The following KLHL13 variants were observed in gnomAD, a reference collection of about 807,000 sequenced individuals.
KLHL13 encodes the protein kelch like family member 13.
Under a neutral mutation model 37.1 loss-of-function variants are expected in KLHL13, and 10 were observed. The observed-to-expected ratio is 0.27, with a 90% CI of 0.17 to 0.46. The LOEUF (loss-of-function observed/expected upper bound fraction) is 0.46, where lower values mean the gene tolerates loss of function less well. Ranked by LOEUF, KLHL13 falls within the 20% of genes least tolerant of loss-of-function variation. The pLI is 1.00. For missense variants in KLHL13, 360 were observed against 509.3 expected (o/e 0.71, Z 2.82); for synonymous variants, 163 against 181.2 (o/e 0.90, Z 0.81).
chrX:118,079,180 C>A (rs746065564), intron 1 of KLHL13, among the ~76,000 whole-genome samples: 30 of 109,704 alleles, frequency 2.7e-4, no homozygotes, highest in Admixed American at 9.8e-4. Flanking sequence ...ATTGTAAATT[C>A]GCAGAAAAAG....
chrX:117,909,270 T>C (rs1240409287), intron 5 of KLHL13, 31 bp downstream of exon 6: 2 of 1,084,527 alleles, frequency 1.8e-6, no homozygotes, highest in African/African-American at 1.9e-5. Flanking sequence ...GTGAAGAAAT[T>C]TGTCTCTATG....
intron 1 of KLHL13, among the ~76,000 whole-genome samples, chrX:118,001,653 C>T (rs1439641296): frequency 3.6e-5 from 4 of 110,537 alleles, no homozygotes; most frequent in Non-Finnish European, 7.6e-5. Flanking sequence ...TGCTGGAGCT[C>T]TGGAGTTCGA....
chrX:118,050,755 C>G (rs1283176616), intron 1 of KLHL13, among the ~76,000 whole-genome samples: 1 of 111,855 alleles, frequency 8.9e-6, no homozygotes. Context: ...TCCACTGAGC[C>G]CTGATACACA....
intron 1 of KLHL13, among the ~76,000 whole-genome samples, chrX:118,078,154 G>A (rs767120488): frequency 3.6e-5 from 4 of 111,475 alleles, no homozygotes; most frequent in Non-Finnish European, 7.6e-5. Context: ...ATAGTTTAGC[G>A]TCACCTGTAG....
intron 1 of KLHL13, among the ~76,000 whole-genome samples, chrX:118,116,158 A>G (rs2055465634): frequency 9.0e-6 from 1 of 111,246 alleles, no homozygotes; most frequent in African/African-American, 3.3e-5. Context: ...CGGGGCGGGC[A>G]GCGGGACCCC....
Position 118,003,030 on chromosome X carries a change from G to C in KLHL13, c.-55-57455C>G, listed in dbSNP as rs139000270. Among the ~76,000 whole-genome samples the C allele has an allele frequency of 1.5e-3, 167 of 112,357 alleles. 2 individuals carry two copies. The highest frequency in any genetic ancestry group is 5.2e-3 in the African/African-American group (162 of 30,959). On this transcript the variant is annotated intron_variant, in intron 1 of 6. Transcript: ENST00000371882. The stretch of plus-strand genomic sequence containing the variant: ...GGCGAAGGGAAAATAATGTGGTACA[G>C]TAATAGCACAGAGTACCAAAATGAG...
chrX:117,946,899 G>A (rs185010765), intron 1 of KLHL13: 8 of 111,575 alleles, frequency 7.2e-5, no homozygotes, highest in Admixed American at 6.7e-4. Context: ...GCAATAATTA[G>A]CAAAAATTCT....
At chrX:118,092,856 G>C (rs1357201080) in intron 1 of KLHL13, among the ~76,000 whole-genome samples, 2 of 111,655 alleles carry the variant, frequency 1.8e-5, no homozygotes, top group Non-Finnish European at 3.8e-5. Flanking sequence ...TGGGGAAACT[G>C]GGTGACAGGT....
chrX:118,028,295 TCTAA>T (rs1209605272), intron 1 of KLHL13, 125 bp downstream of exon 2: 1 of 390,637 alleles, frequency 2.6e-6, no homozygotes, highest in Non-Finnish European at 4.5e-6. Context: ...TTAGTCATTC[TCTAA>T]CTCATTCATA....
At chrX:117,907,078 T>A (rs1930595624) in intron 5 of KLHL13, among the ~76,000 whole-genome samples, 1 of 111,605 alleles carries the variant, frequency 9.0e-6, no homozygotes. Context: ...TCCTTGTTTC[T>A]TTTCCCTTTC....
chrX:118,052,342 T>A (rs1328228187), intron 1 of KLHL13, among the ~76,000 whole-genome samples: 9 of 63,164 alleles, frequency 1.4e-4, no homozygotes, highest in Admixed American at 2.3e-4. Flanking sequence ...TGAAACCCCG[T>A]CTCTACTAAA....
At chrX:117,939,597 A>G (rs930134680) in intron 2 of KLHL13, among the ~76,000 whole-genome samples, 3 of 111,854 alleles carry the variant, frequency 2.7e-5, no homozygotes, top group Non-Finnish European at 3.8e-5. Flanking sequence ...CCTCTCCAGC[A>G]TTTGTTGTTT....
intron 1 of KLHL13, among the ~76,000 whole-genome samples, chrX:118,103,153 G>A (rs1478532358): frequency 2.7e-5 from 3 of 111,373 alleles, no homozygotes; most frequent in African/African-American, 9.8e-5. Context: ...TTAACTCCAC[G>A]GCACCTGACT....
chrX:118,012,270 T>A (rs752812853), intron 1 of KLHL13, among the ~76,000 whole-genome samples: 2 of 112,248 alleles, frequency 1.8e-5, no homozygotes, highest in South Asian at 7.5e-4. Context: ...TGACAAATGA[T>A]CACAAATGGT....
chrX:117,950,728 A>G (rs1399708232), intron 1 of KLHL13, among the ~76,000 whole-genome samples: 1 of 112,310 alleles, frequency 8.9e-6, no homozygotes, highest in African/African-American at 3.2e-5. Context: ...TAAAATACAT[A>G]TTGCTCACAC....
At chrX:117,909,449 C>G in exon 5 of KLHL13, 1 of 1,211,544 alleles carries the variant, frequency 8.3e-7, no homozygotes, top group Non-Finnish European at 1.1e-6. Context: ...TATCAACTGC[C>G]GTTTTTCCTT....
chrX:117,953,353 A>G (rs755064676), intron 1 of KLHL13, among the ~76,000 whole-genome samples: 1 of 110,462 alleles, frequency 9.1e-6, no homozygotes, highest in African/African-American at 3.3e-5. Flanking sequence ...GAATTGAACA[A>G]TGAGAAAACA....
At chrX:117,955,512 AT>A (rs1459955601) in intron 1 of KLHL13, among the ~76,000 whole-genome samples, 1 of 111,643 alleles carries the variant, frequency 9.0e-6, no homozygotes, top group Non-Finnish European at 1.9e-5. Context: ...ATCTCTAATT[AT>A]TTCAATGAAT....
At chrX:118,003,397 T>G (rs1222433808) in intron 1 of KLHL13, among the ~76,000 whole-genome samples, 3 of 111,662 alleles carry the variant, frequency 2.7e-5, no homozygotes, top group Non-Finnish European at 5.6e-5. Context: ...ATAGTTTATA[T>G]TTATCACTGC....
Sources: gnomAD v4.1 joint callset for allele counts (sites outside exome capture counted in the v4.1 genomes callset) on GRCh38, gnomAD v4.1.1 for gene constraint, MANE v1.5 for transcripts, NCBI Gene and HGNC (gene_info 2026-07-23, HGNC 2026-07-21) for gene names.